The following NOVA2 variants were observed in gnomAD, a reference collection of about 807,000 sequenced individuals.
NOVA2 encodes the protein RNA-binding protein Nova-2.
A neutral mutation model predicts 22.5 loss-of-function variants in NOVA2; 9 were observed. That is an observed-to-expected ratio of 0.40 (90% CI 0.24 to 0.70). The LOEUF is 0.70. Ranked by LOEUF, NOVA2 falls within the 30% of genes least tolerant of loss-of-function variation. The pLI is 0.38. For synonymous variants in NOVA2, 318 were observed against 335.2 expected, an observed-to-expected ratio of 0.95 and a Z score of 0.56; for missense variants, 383 against 682.8, an observed-to-expected ratio of 0.56 and a Z score of 4.89.
intron 1 of NOVA2, among the ~76,000 whole-genome samples, chr19:45,970,155 T>C (rs772548349): frequency 6.6e-6 from 1 of 152,128 alleles, no homozygotes; most frequent in African/African-American, 2.4e-5. Flanking sequence ...ATCTGTAACA[T>C]GGGTTAACAT....
At chr19:45,953,721 G>GA in intron 3 of NOVA2, 59 bp downstream of exon 3, 1 of 1,596,122 alleles carries the variant, frequency 6.3e-7, no homozygotes, top group Non-Finnish European at 8.6e-7. Flanking sequence ...GATGTGGGAG[G>GA]AATGTTTCTT....
intron 1 of NOVA2, among the ~76,000 whole-genome samples, chr19:45,969,167 A>G (rs1323790028): frequency 2.0e-5 from 3 of 151,994 alleles, no homozygotes; most frequent in African/African-American, 4.8e-5. Context: ...TCAGAAAAAC[A>G]GAACAAAACA....
At chr19:45,954,647 A>G in intron 2 of NOVA2, among the ~76,000 whole-genome samples, 1 of 151,894 alleles carries the variant, frequency 6.6e-6, no homozygotes, top group East Asian at 1.9e-4. Flanking sequence ...AGGAGTGAGG[A>G]CCAAGGAACT....
intron 3 of NOVA2, among the ~76,000 whole-genome samples, chr19:45,946,754 T>C (rs774044467): frequency 6.6e-6 from 1 of 151,672 alleles, no homozygotes; most frequent in Non-Finnish European, 1.5e-5. Flanking sequence ...CGCCTGTAGT[T>C]CCAGCTACTT....
chr19:45,936,906 T>C lies in NOVA2; in HGVS notation c.*2957A>G, dbSNP rs1967662059. Reference sequence around the variant, plus strand: ...AGGGAGACGGGGAAAAAAAAAGAGATGATGGGTTTTTCAATAATCCTCATC... The same window carrying C: ...AGGGAGACGGGGAAAAAAAAAGAGACGATGGGTTTTTCAATAATCCTCATC... On this transcript the variant is annotated 3_prime_UTR_variant, in exon 4 of 4. Transcript: ENST00000263257. 1 of 151,374 alleles carries C rather than the reference T, an allele frequency of 6.6e-6. No individual in the cohort carries two copies. Among genetic ancestry groups the C allele is most frequent in the African/African-American group, 2.4e-5 (1 of 41,180 alleles). The allele number at this position is 151,374 out of a possible 1,614,324, so 9.4% of individuals were successfully genotyped here.
At chr19:45,943,770 T>C (rs1967796989) in intron 3 of NOVA2, among the ~76,000 whole-genome samples, 1 of 149,066 alleles carries the variant, frequency 6.7e-6, no homozygotes, top group South Asian at 2.1e-4. Context: ...AGTGAGACCC[T>C]ATCCCCCCCA....
intron 2 of NOVA2, among the ~76,000 whole-genome samples, chr19:45,955,472 G>A (rs182471155): frequency 9.9e-5 from 15 of 152,274 alleles, no homozygotes; most frequent in Non-Finnish European, 1.8e-4. Flanking sequence ...GTGTGAGAAT[G>A]TGCGTGCCTG....
Position 45,935,244 on chromosome 19 carries a change from A to T in NOVA2, c.*4619T>A, listed in dbSNP as rs1347481649. The T allele has an allele frequency of 1.3e-5, 2 of 152,720 alleles. No homozygotes were observed. Among genetic ancestry groups the T allele is most frequent in the African/African-American group, 4.8e-5 (2 of 41,416 alleles). The allele number at this position is 152,720 out of a possible 1,614,324, so 9.5% of individuals were successfully genotyped here. On this transcript the variant is annotated 3_prime_UTR_variant, in exon 4 of 4. Coordinates refer to ENST00000263257, the MANE Select transcript of NOVA2 (RefSeq NM_002516.4). ...TTAAAAACCAGCAGCCTTCACCACC[A>T]TGACCCCACAGATTCTCTTCCCATT...
chr19:45,970,227 T>C (rs1968215939), intron 1 of NOVA2, among the ~76,000 whole-genome samples: 1 of 152,240 alleles, frequency 6.6e-6, no homozygotes, highest in Non-Finnish European at 1.5e-5. Context: ...TGATAGTTCC[T>C]GGCATACTGC....
At chr19:45,947,517 A>C (rs1248101472) in intron 3 of NOVA2, among the ~76,000 whole-genome samples, 2 of 149,502 alleles carry the variant, frequency 1.3e-5, no homozygotes, top group African/African-American at 4.9e-5. Context: ...TCTTTTGCCC[A>C]GGCTAGAGTG....
chr19:45,965,729 C>CA (rs113511683), intron 1 of NOVA2, among the ~76,000 whole-genome samples: 8,521 of 135,026 alleles, frequency 0.063, 766 homozygotes, highest in African/African-American at 0.21. Flanking sequence ...GACTGTGTCT[C>CA]AAAAAAAAAA....
intron 1 of NOVA2, among the ~76,000 whole-genome samples, chr19:45,963,570 C>T (rs886287344): frequency 1.8e-4 from 27 of 150,624 alleles, no homozygotes; most frequent in Middle Eastern, 3.4e-3. Flanking sequence ...CTCGCTCTGT[C>T]GCCCAGGCTG....
At chr19:45,945,442 T>C (rs1050617805) in intron 3 of NOVA2, among the ~76,000 whole-genome samples, 3 of 152,230 alleles carry the variant, frequency 2.0e-5, no homozygotes, top group Admixed American at 6.5e-5. Context: ...TCATGTATTT[T>C]ATGTTTCTCT....
At chr19:45,958,618 CGTGT>C (rs562395045) in intron 2 of NOVA2, among the ~76,000 whole-genome samples, 4 of 148,328 alleles carry the variant, frequency 2.7e-5, no homozygotes, top group African/African-American at 5.0e-5. Flanking sequence ...TGCGTGTCAG[CGTGT>C]GTGAGTGTGA....
intron 2 of NOVA2, among the ~76,000 whole-genome samples, chr19:45,957,848 T>G (rs555474296): frequency 7.9e-5 from 12 of 151,474 alleles, no homozygotes; most frequent in Admixed American, 2.0e-4. Context: ...GGCTCAAGCC[T>G]AGCACTTTGG....
chr19:45,960,092 G>A (rs1968073183), intron 2 of NOVA2, among the ~76,000 whole-genome samples: 1 of 151,558 alleles, frequency 6.6e-6, no homozygotes, highest in South Asian at 2.1e-4. Flanking sequence ...GTATGGTTGG[G>A]GGAGAAGGAT....
At position 45,946,284 on chromosome 19, in the gene NOVA2, C is replaced by T. The variant is rs186834356; in HGVS notation, c.397-5339G>A. On this transcript the variant is annotated intron_variant, in intron 3 of 3. Transcript: ENST00000263257. ...ATCACTACACTCCAGTCTGGGTGAT[C>T]GAGCCAGACCTTGTGAACAAGAAAA... Among the ~76,000 whole-genome samples, 449 of 152,116 alleles carry T rather than the reference C, an allele frequency of 3.0e-3. 3 individuals are homozygous for T. The highest frequency in any genetic ancestry group is 0.011 in the African/African-American group (436 of 41,508).
intron 1 of NOVA2, among the ~76,000 whole-genome samples, chr19:45,972,371 T>TCA (rs1320201175): frequency 1.3e-5 from 2 of 151,720 alleles, no homozygotes; most frequent in Admixed American, 1.3e-4. Context: ...CACGCCTGTG[T>TCA]CACACACACT....
chr19:45,969,534 AAAAG>A (rs1968208171), intron 1 of NOVA2, among the ~76,000 whole-genome samples: 1 of 150,876 alleles, frequency 6.6e-6, no homozygotes, highest in African/African-American at 2.4e-5. Context: ...AAAAAAAAAA[AAAAG>A]AGGGATGTTA....
Sources: gnomAD v4.1 joint callset for allele counts (sites outside exome capture counted in the v4.1 genomes callset) on GRCh38, gnomAD v4.1.1 for gene constraint, MANE v1.5 for transcripts, NCBI Gene and HGNC (gene_info 2026-07-23, HGNC 2026-07-21) for gene names.